Variants in PDE8B observed in about 807,000 individuals in gnomAD.
PDE8B encodes phosphodiesterase 8B, also known as high affinity cAMP-specific and IBMX-insensitive 3',5'-cyclic phosphodiesterase 8B.
A neutral mutation model predicts 101.3 loss-of-function variants in PDE8B; 26 were observed. That is an observed-to-expected ratio of 0.26 (90% CI 0.19 to 0.36). The LOEUF is 0.36. PDE8B is among the 10% of genes least tolerant of loss of function. PDE8B has a pLI of 1.00. For missense variants in PDE8B, 810 were observed against 1,163.1 expected, an observed-to-expected ratio of 0.70 and a Z score of 4.42; for synonymous variants, 424 against 429.3, an observed-to-expected ratio of 0.99 and a Z score of 0.15.
chr5:77,350,237 A>G (rs1780842969), intron 8 of PDE8B, among the ~76,000 whole-genome samples: 1 of 152,196 alleles, frequency 6.6e-6, no homozygotes, highest in Admixed American at 6.5e-5. Flanking sequence ...CCCTGTATCC[A>G]TTTAATAGAG....
At chr5:77,193,950 T>C in the PDE8B span, among the ~76,000 whole-genome samples, 1 of 152,230 alleles carries the variant, frequency 6.6e-6, no homozygotes, top group Non-Finnish European at 1.5e-5. Context: ...ATTGCTGGTA[T>C]ATAGAATACA....
At chr5:77,160,594 T>C in the PDE8B span, among the ~76,000 whole-genome samples, 1 of 152,202 alleles carries the variant, frequency 6.6e-6, no homozygotes, top group Non-Finnish European at 1.5e-5. Context: ...CTTTTATGAA[T>C]TACTCCTTTG....
chr5:77,389,690 AC>A (rs1442648894), intron 10 of PDE8B, among the ~76,000 whole-genome samples: 9 of 152,284 alleles, frequency 5.9e-5, no homozygotes, highest in African/African-American at 2.2e-4. Flanking sequence ...TTTCTGAATT[AC>A]TTAACCATAG....
chr5:77,266,577 T>C (rs892930825), intron 1 of PDE8B, among the ~76,000 whole-genome samples: 3 of 152,354 alleles, frequency 2.0e-5, no homozygotes, highest in South Asian at 2.1e-4. Flanking sequence ...ATATATTTAA[T>C]GTGGCATCTT....
chr5:77,424,439 C>G (rs139113399), intron 20 of PDE8B, among the ~76,000 whole-genome samples: 2 of 152,306 alleles, frequency 1.3e-5, no homozygotes, highest in South Asian at 4.1e-4. Context: ...CCAGGAAATG[C>G]GGATCCTAAT....
chr5:77,397,722 G>A (rs960801031), intron 10 of PDE8B, among the ~76,000 whole-genome samples: 6 of 152,168 alleles, frequency 3.9e-5, no homozygotes, highest in African/African-American at 1.2e-4. Flanking sequence ...AAGCATGGAA[G>A]TTTTAGGGCC....
rs1472498546 is a variant in PDE8B, at chr5:77,273,622, C to T, written c.340-38372C>T. 4.6e-5 allele frequency among the ~76,000 whole-genome samples: 7 copies of T among 152,152 alleles called. No individual in the cohort carries two copies. The East Asian group carries it at 1.4e-3, about 29-fold the overall frequency. On this transcript the variant is annotated intron_variant, in intron 1 of 21. Coordinates refer to ENST00000264917, the MANE Select transcript of PDE8B (RefSeq NM_003719.5). ...TTGCTTTTGCCTGGGGACAGGAGTA[C>T]AGGATAAAAGCTTTGAGGCAAAGGC...
chr5:77,111,928 C>T, the PDE8B span: 1 of 152,122 alleles, frequency 6.6e-6, no homozygotes, highest in African/African-American at 2.4e-5. Flanking sequence ...TCCTTCGAGA[C>T]TCTGTTCAGA....
chr5:77,419,613 T>C (rs1057154698), intron 18 of PDE8B, among the ~76,000 whole-genome samples, 154 bp from the exon 19 acceptor site: 2 of 152,232 alleles, frequency 1.3e-5, no homozygotes, highest in African/African-American at 4.8e-5. Flanking sequence ...TCTTGCTTAC[T>C]GGGAGGACGA....
At chr5:77,189,169 AG>A in the PDE8B span, among the ~76,000 whole-genome samples, 1 of 152,326 alleles carries the variant, frequency 6.6e-6, no homozygotes, top group East Asian at 1.9e-4. Flanking sequence ...GGGAGGACAC[AG>A]GCGGCCTAGG....
At chr5:77,359,866 G>A (rs2150542730) in intron 10 of PDE8B, among the ~76,000 whole-genome samples, 1 of 152,284 alleles carries the variant, frequency 6.6e-6, no homozygotes, top group Admixed American at 6.5e-5. Context: ...GGGAGGCCAA[G>A]GCAGGCAGAT....
intron 1 of PDE8B, among the ~76,000 whole-genome samples, chr5:77,265,128 G>C (rs1370695832): frequency 6.6e-6 from 1 of 152,144 alleles, no homozygotes; most frequent in African/African-American, 2.4e-5. Flanking sequence ...TAGCACTGTG[G>C]CAGGTAACTC....
At chr5:77,192,372 C>G in the PDE8B span, among the ~76,000 whole-genome samples, 1 of 152,156 alleles carries the variant, frequency 6.6e-6, no homozygotes, top group South Asian at 2.1e-4. Context: ...TGTCTTCCTT[C>G]CATTCCACTA....
At chr5:77,243,753 G>T (rs1294142098) in intron 1 of PDE8B, among the ~76,000 whole-genome samples, 6 of 152,106 alleles carry the variant, frequency 3.9e-5, no homozygotes, top group Admixed American at 2.0e-4. Flanking sequence ...ATCAGTTGGT[G>T]GACATTTTGG....
the PDE8B span, among the ~76,000 whole-genome samples, chr5:77,090,573 G>A: frequency 1.3e-5 from 2 of 152,118 alleles, no homozygotes; most frequent in Admixed American, 1.3e-4. Context: ...GCACCCAGCC[G>A]AAGAGAAGAT....
At chr5:77,287,622 C>G (rs905668357) in intron 1 of PDE8B, among the ~76,000 whole-genome samples, 2 of 151,932 alleles carry the variant, frequency 1.3e-5, no homozygotes, top group South Asian at 2.1e-4. Context: ...TCCTGGATGC[C>G]TCTCACATTC....
At chr5:77,392,073 A>G (rs1790063437) in intron 10 of PDE8B, among the ~76,000 whole-genome samples, 1 of 152,256 alleles carries the variant, frequency 6.6e-6, no homozygotes, top group African/African-American at 2.4e-5. Context: ...CACAGCCCTT[A>G]GTCACATTTT....
At chr5:77,171,487 T>A in the PDE8B span, among the ~76,000 whole-genome samples, 10 of 152,098 alleles carry the variant, frequency 6.6e-5, no homozygotes, top group African/African-American at 2.2e-4. Flanking sequence ...CATAGAAAAA[T>A]TTTTAAAATA....
At chr5:77,282,320 A>T (rs576734574) in intron 1 of PDE8B, among the ~76,000 whole-genome samples, 66 of 152,108 alleles carry the variant, frequency 4.3e-4, no homozygotes, top group African/African-American at 1.5e-3. Flanking sequence ...CTCTCCCAGC[A>T]GGATAAGTGC....
Sources: gnomAD v4.1 joint callset for allele counts (sites outside exome capture counted in the v4.1 genomes callset) on GRCh38, gnomAD v4.1.1 for gene constraint, MANE v1.5 for transcripts, NCBI Gene and HGNC (gene_info 2026-07-23, HGNC 2026-07-21) for gene names.